Variants in FBXO31 observed in about 807,000 individuals in gnomAD.
FBXO31 encodes the protein F-box protein 31.
Under a neutral mutation model 54.4 loss-of-function variants are expected in FBXO31, and 24 were observed. The ratio of observed to expected loss-of-function variants is 0.44; its 90% confidence interval spans 0.32 to 0.62. The LOEUF (loss-of-function observed/expected upper bound fraction) is 0.62. Among genes scored for constraint, FBXO31 ranks in the 20% least tolerant of loss-of-function variants. FBXO31 has a pLI of 0.05. For missense variants in FBXO31, 665 were observed against 787.1 expected, an observed-to-expected ratio of 0.84 and a Z score of 1.86; for synonymous variants, 388 against 335.6, an observed-to-expected ratio of 1.16 and a Z score of -1.71.
At chr16:87,360,204 G>T in intron 2 of FBXO31, 91 bp downstream of exon 2, 1 of 1,227,298 alleles carries the variant, frequency 8.1e-7, no homozygotes, top group Non-Finnish European at 1.2e-6. Flanking sequence ...CAAAAGTGTG[G>T]ACTAAATCAC....
chr16:87,361,634 G>A (rs1442197978), intron 1 of FBXO31, among the ~76,000 whole-genome samples: 1 of 152,200 alleles, frequency 6.6e-6, no homozygotes, highest in Non-Finnish European at 1.5e-5. Flanking sequence ...CCAAAGTGCT[G>A]CCCCTCATCA....
intron 1 of FBXO31, among the ~76,000 whole-genome samples, chr16:87,370,102 T>G (rs1360799628): frequency 6.6e-6 from 1 of 152,110 alleles, no homozygotes; most frequent in Non-Finnish European, 1.5e-5. Flanking sequence ...CTGCATCTAG[T>G]CCATCTCTCT....
At chr16:87,362,688 G>C (rs939027427) in intron 1 of FBXO31, 1 of 152,310 alleles carries the variant, frequency 6.6e-6, no homozygotes, top group Non-Finnish European at 1.5e-5. Flanking sequence ...ACCCTCCTGA[G>C]TAGCTGGGCC....
chr16:87,375,334 A>C (rs1239533352), intron 1 of FBXO31, among the ~76,000 whole-genome samples: 1 of 151,110 alleles, frequency 6.6e-6, no homozygotes, highest in Non-Finnish European at 1.5e-5. Flanking sequence ...ACAAAAAACA[A>C]AACAAAAATT....
intron 1 of FBXO31, among the ~76,000 whole-genome samples, chr16:87,380,346 T>C (rs1907023040): frequency 6.7e-6 from 1 of 148,520 alleles, no homozygotes; most frequent in African/African-American, 2.5e-5. Flanking sequence ...ATATGACAAA[T>C]GATTTAAGTC....
Position 87,335,106 on chromosome 16 carries a change from G to A in FBXO31, c.996+198C>T, listed in dbSNP as rs909370281. 2.0e-5 allele frequency among the ~76,000 whole-genome samples: 3 copies of A among 152,206 alleles called. No individual in the cohort carries two copies. The highest frequency in any genetic ancestry group is 7.2e-5 in the African/African-American group (3 of 41,450). On this transcript the variant is annotated intron_variant, in intron 7 of 8. Coordinates refer to ENST00000311635, the MANE Select transcript of FBXO31 (RefSeq NM_024735.5). This position sits in a 1 kb window ranked among gnomAD's most constrained non-coding sequence, Gnocchi z 5.7. ...AGCACACAGACTCCCTGAGGGTCTC[G>A]TGGAAATGCAATTCTGGTTCAGTGG...
chr16:87,391,388 C>G (rs768754267), upstream of FBXO31, among the ~76,000 whole-genome samples: 4 of 152,198 alleles, frequency 2.6e-5, no homozygotes, highest in Admixed American at 2.6e-4. Context: ...AACCAAATAT[C>G]GCATGGTGGT....
At chr16:87,376,831 G>A (rs147274235) in intron 1 of FBXO31, among the ~76,000 whole-genome samples, 2 of 152,320 alleles carry the variant, frequency 1.3e-5, no homozygotes, top group African/African-American at 4.8e-5. Flanking sequence ...GAACTGGCCT[G>A]CCCTTGGCCT....
chr16:87,365,018 T>TAG (rs1906298462), intron 1 of FBXO31, among the ~76,000 whole-genome samples: 1 of 94,474 alleles, frequency 1.1e-5, no homozygotes, highest in South Asian at 4.0e-4. Flanking sequence ...TAAATATATA[T>TAG]ATATATATAT....
intron 1 of FBXO31, among the ~76,000 whole-genome samples, chr16:87,377,982 A>AC (rs944258408): frequency 2.0e-5 from 3 of 151,962 alleles, no homozygotes; most frequent in African/African-American, 7.3e-5. Context: ...ACCTGGAGAA[A>AC]CCCCATCTCT....
At chr16:87,363,419 C>T (rs1906220984) in intron 1 of FBXO31, among the ~76,000 whole-genome samples, 1 of 152,146 alleles carries the variant, frequency 6.6e-6, no homozygotes, top group African/African-American at 2.4e-5. Flanking sequence ...TCAACACCGG[C>T]TCATCTCCTT....
intron 8 of FBXO31, among the ~76,000 whole-genome samples, chr16:87,331,803 G>A (rs541556641): frequency 1.3e-5 from 2 of 152,338 alleles, no homozygotes; most frequent in African/African-American, 4.8e-5. Context: ...ACCCGTGAGG[G>A]ATTCACCCAC....
At position 87,338,334 on chromosome 16, in the gene FBXO31, C is replaced by T. The variant is rs184026784; in HGVS notation, c.733-2070G>A. Among the ~76,000 whole-genome samples the T allele has an allele frequency of 3.9e-5, 6 of 152,152 alleles. No homozygotes were observed. The highest frequency in any genetic ancestry group is 8.8e-5 in the Non-Finnish European group (6 of 68,014). ...CTCAACACATTGTACTCGCGACCCT[C>T]GTGGCAGCGCCGGCAGAGGGGGCTG... is the stretch of plus-strand genomic sequence containing the variant. On this transcript the variant is annotated intron_variant, in intron 5 of 8. Coordinates refer to ENST00000311635, the MANE Select transcript of FBXO31 (RefSeq NM_024735.5). The surrounding 1 kb of genome is among the most constrained non-coding windows in gnomAD (Gnocchi z 4.3).
chr16:87,382,635 TTGTTGC>T (rs1420326601), intron 1 of FBXO31, among the ~76,000 whole-genome samples: 1 of 152,196 alleles, frequency 6.6e-6, no homozygotes, highest in Admixed American at 6.5e-5. Context: ...GTAATTTTTT[TTGTTGC>T]TGTTGTTTGA....
At chr16:87,381,247 G>C (rs1457278573) in intron 1 of FBXO31, among the ~76,000 whole-genome samples, 1 of 151,992 alleles carries the variant, frequency 6.6e-6, no homozygotes, top group South Asian at 2.1e-4. Context: ...GACAAAAATA[G>C]ACACTCTAAG....
rs1032974404 is a variant in FBXO31, at chr16:87,335,817, A to T, written c.842+338T>A. Among the ~76,000 whole-genome samples, 1 of 152,136 alleles carries T rather than the reference A, an allele frequency of 6.6e-6. No homozygotes were observed. The highest frequency in any genetic ancestry group is 1.5e-5 in the Non-Finnish European group (1 of 68,016). On this transcript the variant is annotated intron_variant, in intron 6 of 8. Transcript: ENST00000311635. The surrounding 1 kb of genome is among the most constrained non-coding windows in gnomAD (Gnocchi z 5.7). ...TGGGCTGAGCGGGGCTGAGCTCTAG[A>T]GTGCCAGTGTTGGCAGGGGTGACAG...
At chr16:87,370,178 C>G (rs547423220) in intron 1 of FBXO31, among the ~76,000 whole-genome samples, 3 of 152,292 alleles carry the variant, frequency 2.0e-5, no homozygotes, top group Non-Finnish European at 4.4e-5. Context: ...TCTCAGGGGC[C>G]CGGGGAAGAC....
At chr16:87,390,826 G>C (rs1207192783), upstream of FBXO31, among the ~76,000 whole-genome samples, 1 of 151,952 alleles carries the variant, frequency 6.6e-6, no homozygotes, top group Non-Finnish European at 1.5e-5. Flanking sequence ...CAAACTCCTG[G>C]GCTCAAGCGA....
Position 87,375,027 on chromosome 16 carries a change from A to G in FBXO31, c.340+8378T>C, listed in dbSNP as rs117620206. On this transcript the variant is annotated intron_variant, in intron 1 of 8. Transcript: ENST00000311635. The stretch of plus-strand genomic sequence containing the variant: ...GTGAAACCCTGGCTCTACAAAAAAT[A>G]CAAAAGTTAGGCCAGGTGCGGTGGC... Among the ~76,000 whole-genome samples, 229 of 152,284 alleles carry G rather than the reference A, an allele frequency of 1.5e-3. 6 individuals carry two copies. In the East Asian group the frequency reaches 0.038, roughly 26 times the overall value.
Sources: allele counts gnomAD v4.1 joint callset (sites outside exome capture counted in the v4.1 genomes callset), GRCh38; gene constraint gnomAD v4.1.1; non-coding constraint Gnocchi (gnomAD v3.1); transcripts MANE v1.5; gene names NCBI Gene and HGNC (gene_info 2026-07-23, HGNC 2026-07-21).